Variants in ATP2B2 observed in about 807,000 individuals in gnomAD.
ATP2B2 encodes the protein ATPase plasma membrane Ca2+ transporting 2.
A neutral mutation model predicts 120.0 loss-of-function variants in ATP2B2; 15 were observed. The observed-to-expected ratio is 0.12, with a 90% confidence interval of 0.08 to 0.19. The LOEUF is 0.19. Among genes scored for constraint, ATP2B2 ranks in the 10% least tolerant of loss-of-function variants. The probability of loss-of-function intolerance (pLI) is 1.00; values close to 1 mark genes in which losing one functional copy is unlikely to be tolerated. For synonymous variants in ATP2B2, 694 were observed against 700.3 expected (o/e 0.99, Z 0.14); for missense variants, 1,045 against 1,719.8 (o/e 0.61, Z 6.94).
At chr3:10,583,482 T>C (rs1437668368) in intron 2 of ATP2B2, among the ~76,000 whole-genome samples, 1 of 152,152 alleles carries the variant, frequency 6.6e-6, no homozygotes, top group Non-Finnish European at 1.5e-5. Context: ...TATAGATCCT[T>C]TACCTGGGAC....
At position 10,402,290 on chromosome 3, in the gene ATP2B2, G is replaced by T; in HGVS notation, c.456C>A (p.Ile152=). The part of the protein sequence containing the change: ...EDEGEAEAGW[I]EGAAILLSVI... ...CTGAGAGGAGAATGGCGGCCCCCTC[G>T]ATCCAACCTGCCTCTGCCTCTCCTT... Residue 152 remains isoleucine (I), a synonymous_variant, in exon 4 of 23, where the codon ATC becomes ATA. Coordinates refer to ENST00000360273, the MANE Select transcript of ATP2B2 (RefSeq NM_001001331.4). This position sits in a 1 kb window ranked among gnomAD's most constrained non-coding sequence, Gnocchi z 4.9. 1 of 1,613,924 alleles carries T rather than the reference G, an allele frequency of 6.2e-7. No homozygotes were observed. Among genetic ancestry groups the T allele is most frequent in the South Asian group, 1.1e-5 (1 of 91,076 alleles).
At position 10,548,478 on chromosome 3, in the gene ATP2B2, C is replaced by G. The variant is rs1055096610; in HGVS notation, c.-414-14345G>C. 2.0e-5 allele frequency among the ~76,000 whole-genome samples: 3 copies of G among 152,134 alleles called. No homozygotes were observed. The South Asian group carries it at 6.2e-4, about 32-fold the overall frequency. Reference sequence around the variant, plus strand: ...TGGTGTATAGATAGTGTATAGATATCCCAGCTCTGTTCCCTCTCAGCTAAT... The same window carrying G: ...TGGTGTATAGATAGTGTATAGATATGCCAGCTCTGTTCCCTCTCAGCTAAT... On this transcript the variant is annotated intron_variant, in intron 2 of 21. Coordinates refer to the ATP2B2 transcript ENST00000646379.
chr3:10,342,671 G>A lies in ATP2B2; in HGVS notation c.2917+81C>T, dbSNP rs147534869. ...GCAAAACAGGAGGGGGTTGTGACTC[G>A]AGAATGCTGGGTGAGAGCCATGGTG... On this transcript the variant is annotated intron_variant, in intron 19 of 22. Coordinates refer to ENST00000360273, the MANE Select transcript of ATP2B2 (RefSeq NM_001001331.4). The surrounding 1 kb of genome is among the most constrained non-coding windows in gnomAD (Gnocchi z 4.4). The A allele has an allele frequency of 2.1e-4, 323 of 1,523,408 alleles. No homozygotes were observed. In the Admixed American group the frequency reaches 2.2e-3, roughly 10 times the overall value. 94.4% of individuals were successfully genotyped at this position (1,523,408 alleles called of 1,614,324 possible). A position where few individuals can be genotyped will look rare whatever the true frequency, so the allele number is the denominator to read the frequency against.
intron 1 of ATP2B2, among the ~76,000 whole-genome samples, chr3:10,666,794 G>T (rs1190201738): frequency 6.6e-6 from 1 of 152,162 alleles, no homozygotes; most frequent in Non-Finnish European, 1.5e-5. Context: ...GAGGCACGAA[G>T]CCCCGCCCTG....
rs572405713 is a variant in ATP2B2 at position 10,672,631 on chromosome 3, G to A, written c.-460+35284C>T. On this transcript the variant is annotated intron_variant, in intron 1 of 21. Transcript: ENST00000646379. Reference sequence around the variant, plus strand: ...CAGGATGCTGTCACTACATTTTAAAGGTTTGCAGATTACTGGCCACCGAGC... The same window carrying A: ...CAGGATGCTGTCACTACATTTTAAAAGTTTGCAGATTACTGGCCACCGAGC... Among the ~76,000 whole-genome samples the A allele has an allele frequency of 4.0e-4, 61 of 152,348 alleles. 1 individual carries two copies. In the South Asian group the frequency reaches 0.012, roughly 31 times the overall value.
At chr3:10,397,934 C>T (rs1015253383) in intron 5 of ATP2B2, among the ~76,000 whole-genome samples, 33 of 152,188 alleles carry the variant, frequency 2.2e-4, no homozygotes, top group African/African-American at 7.5e-4. Context: ...GCCAGCTATG[C>T]CCCTTTATCA....
intron 2 of ATP2B2, among the ~76,000 whole-genome samples, chr3:10,592,556 A>G (rs2068668181): frequency 6.6e-6 from 1 of 152,196 alleles, no homozygotes; most frequent in Admixed American, 6.5e-5. Context: ...TAAACCTTGC[A>G]GACATTTTTT....
intron 3 of ATP2B2, among the ~76,000 whole-genome samples, chr3:10,515,715 C>G (rs963856671): frequency 3.3e-5 from 5 of 152,216 alleles, no homozygotes; most frequent in African/African-American, 1.2e-4. Context: ...GCTCTGTGAT[C>G]TTGGGCAAGT....
chr3:10,559,517 C>T (rs1455867918), intron 2 of ATP2B2, among the ~76,000 whole-genome samples: 1 of 151,144 alleles, frequency 6.6e-6, no homozygotes, highest in Non-Finnish European at 1.5e-5. Context: ...TATTGTGTGT[C>T]CACTAAAAAG....
chr3:10,459,751 T>A (rs2125230275), intron 1 of ATP2B2, among the ~76,000 whole-genome samples: 1 of 152,382 alleles, frequency 6.6e-6, no homozygotes. Flanking sequence ...TGCTCAGCAC[T>A]GCTTTATGCA....
intron 1 of ATP2B2, among the ~76,000 whole-genome samples, chr3:10,495,329 G>C (rs561171556): frequency 6.6e-6 from 1 of 152,258 alleles, no homozygotes; most frequent in African/African-American, 2.4e-5. Context: ...ATTCCTCTCC[G>C]GCCTCAGTCT....
In ATP2B2 at chr3:10,343,557, G is replaced by T. The variant is rs1373633511; in HGVS notation, c.2704-592C>A. On this transcript the variant is annotated intron_variant, in intron 18 of 22. Coordinates refer to ENST00000360273, the MANE Select transcript of ATP2B2 (RefSeq NM_001001331.4). The surrounding 1 kb of genome is among the most constrained non-coding windows in gnomAD (Gnocchi z 4.2). ...CTGTCAAGGACCTCACCACTTTTAG[G>T]TCACCACTGTCCAGGTTCTGGGAGG... is the stretch of plus-strand genomic sequence containing the variant. Among the ~76,000 whole-genome samples the T allele has an allele frequency of 2.0e-5, 3 of 152,106 alleles. No homozygotes were observed. The highest frequency in any genetic ancestry group is 7.2e-5 in the African/African-American group (3 of 41,408).
At chr3:10,390,498 TTGTGTGTGTGTGTG>T (rs61552990) in intron 5 of ATP2B2, among the ~76,000 whole-genome samples, 2 of 148,206 alleles carry the variant, frequency 1.3e-5, no homozygotes, top group Non-Finnish European at 1.5e-5. Context: ...GTGCATGCTT[TTGTGTGTGTGTGTG>T]TGTGTGTGTG....
intron 1 of ATP2B2, among the ~76,000 whole-genome samples, chr3:10,698,911 T>C (rs529217472): frequency 6.4e-4 from 98 of 152,334 alleles, no homozygotes; most frequent in African/African-American, 2.3e-3. Context: ...GCACTTACAA[T>C]TGCCTGACTC....
chr3:10,332,630 G>A (rs2276796), intron 22 of ATP2B2, among the ~76,000 whole-genome samples: 11,504 of 152,164 alleles, frequency 0.076, 711 homozygotes, highest in African/African-American at 0.17. Context: ...ATGAGGCTGT[G>A]GGCGTGGGCA....
At chr3:10,673,274 A>C (rs1454456392) in intron 1 of ATP2B2, among the ~76,000 whole-genome samples, 1 of 152,192 alleles carries the variant, frequency 6.6e-6, no homozygotes, top group African/African-American at 2.4e-5. Flanking sequence ...TTAATGCCAA[A>C]TTCAGGCCAG....
At chr3:10,705,880 A>G (rs2071888636) in intron 1 of ATP2B2, among the ~76,000 whole-genome samples, 1 of 152,164 alleles carries the variant, frequency 6.6e-6, no homozygotes, top group Non-Finnish European at 1.5e-5. Flanking sequence ...ATTTTTATTA[A>G]TCGTGCCCTC....
At chr3:10,666,771 C>T (rs539064574) in intron 1 of ATP2B2, among the ~76,000 whole-genome samples, 11 of 152,278 alleles carry the variant, frequency 7.2e-5, no homozygotes, top group South Asian at 2.1e-4. Flanking sequence ...GAGGAGTGCC[C>T]GGAAGTGGCA....
intron 1 of ATP2B2, among the ~76,000 whole-genome samples, chr3:10,450,673 G>A (rs1010675320): frequency 4.0e-5 from 6 of 148,250 alleles, no homozygotes; most frequent in Non-Finnish European, 8.8e-5. Flanking sequence ...TCACCTGGCA[G>A]GGGGAGGGGG....
Sources: allele counts gnomAD v4.1 joint callset (sites outside exome capture counted in the v4.1 genomes callset), GRCh38; gene constraint gnomAD v4.1.1; non-coding constraint Gnocchi (gnomAD v3.1); transcripts MANE v1.5; gene names NCBI Gene and HGNC (gene_info 2026-07-23, HGNC 2026-07-21).